Variants in GAB1 observed in about 807,000 individuals in gnomAD.
GAB1 encodes the protein GRB2 associated binding protein 1.
GAB1 carries 19 observed loss-of-function variants against 66.5 expected under a neutral mutation model. That is an observed-to-expected ratio of 0.29 (90% CI 0.20 to 0.42). The LOEUF (loss-of-function observed/expected upper bound fraction) is 0.42. GAB1 is among the 10% of genes least tolerant of loss of function. The probability of loss-of-function intolerance (pLI) is 1.00; values close to 1 mark genes in which losing one functional copy is unlikely to be tolerated. For missense variants in GAB1, 732 were observed against 858.5 expected (o/e 0.85, Z 1.84); for synonymous variants, 294 against 301.4 (o/e 0.98, Z 0.25).
At chr4:143,341,237 A>G (rs115235371) in intron 1 of GAB1, among the ~76,000 whole-genome samples, 1 of 152,246 alleles carries the variant, frequency 6.6e-6, no homozygotes. Context: ...AATCATAAAC[A>G]GATTACTGTC....
At chr4:143,347,705 C>G (rs1179749044) in intron 1 of GAB1, among the ~76,000 whole-genome samples, 1 of 152,190 alleles carries the variant, frequency 6.6e-6, no homozygotes, top group Non-Finnish European at 1.5e-5. Context: ...ACATCATGAT[C>G]AGTGATGTGT....
chr4:143,401,905 A>G (rs1731794845), intron 1 of GAB1, among the ~76,000 whole-genome samples: 1 of 152,174 alleles, frequency 6.6e-6, no homozygotes. Flanking sequence ...GTTAAAGTAA[A>G]TGCCCATATA....
At chr4:143,375,808 T>C (rs752076632) in intron 1 of GAB1, among the ~76,000 whole-genome samples, 11 of 152,118 alleles carry the variant, frequency 7.2e-5, no homozygotes, top group Non-Finnish European at 1.5e-4. Flanking sequence ...CTGTGCATTA[T>C]AGGGTGTTTA....
chr4:143,448,705 C>T (rs1734714665), intron 6 of GAB1, among the ~76,000 whole-genome samples: 1 of 151,666 alleles, frequency 6.6e-6, no homozygotes, highest in South Asian at 2.1e-4. Context: ...GTCTTTCTAG[C>T]AGTCTATCAA....
At chr4:143,464,682 T>C (rs974121793) in intron 8 of GAB1, among the ~76,000 whole-genome samples, 21 of 152,244 alleles carry the variant, frequency 1.4e-4, no homozygotes. Context: ...TCAGGCTATG[T>C]GCTGCTCACC....
intron 1 of GAB1, among the ~76,000 whole-genome samples, chr4:143,360,514 T>C (rs1228181124): frequency 6.6e-6 from 1 of 152,074 alleles, no homozygotes; most frequent in Non-Finnish European, 1.5e-5. Flanking sequence ...AGGTTTGGGG[T>C]AAGGAATCCT....
At chr4:143,464,108 A>C (rs1404298335) in intron 8 of GAB1, among the ~76,000 whole-genome samples, 1 of 152,246 alleles carries the variant, frequency 6.6e-6, no homozygotes, top group Non-Finnish European at 1.5e-5. Context: ...AGTCATTCAG[A>C]TAAAAAATTT....
intron 2 of GAB1, chr4:143,424,689 G>C (rs1733229974): frequency 6.2e-6 from 1 of 161,998 alleles, no homozygotes; most frequent in East Asian, 1.8e-4. Flanking sequence ...GCTGGGCACG[G>C]TGGCTCCCTG....
At chr4:143,440,531 C>A in intron 6 of GAB1, 149 bp downstream of exon 6, 1 of 722,876 alleles carries the variant, frequency 1.4e-6, no homozygotes, top group Non-Finnish European at 2.2e-6. Flanking sequence ...CAAAGCAGTA[C>A]TGCCATTTAT....
chr4:143,378,633 C>CTG (rs1730519330), intron 1 of GAB1, among the ~76,000 whole-genome samples: 2 of 82,294 alleles, frequency 2.4e-5, no homozygotes, highest in Non-Finnish European at 5.2e-5. Flanking sequence ...CAAAGTGTCT[C>CTG]TCTCTCTCTC....
At chr4:143,426,006 C>A in intron 2 of GAB1, 7 of 635,272 alleles carry the variant, frequency 1.1e-5, no homozygotes, top group African/African-American at 5.5e-5. Flanking sequence ...TTAAAAATTA[C>A]AAAAAAAGAA....
At chr4:143,409,899 A>G (rs1417218640) in intron 1 of GAB1, among the ~76,000 whole-genome samples, 1 of 152,158 alleles carries the variant, frequency 6.6e-6, no homozygotes, top group East Asian at 1.9e-4. Flanking sequence ...ATTTTACTTT[A>G]AAGAGCAATA....
At chr4:143,366,257 A>G (rs1729878261) in intron 1 of GAB1, among the ~76,000 whole-genome samples, 1 of 152,216 alleles carries the variant, frequency 6.6e-6, no homozygotes, top group African/African-American at 2.4e-5. Flanking sequence ...ATTTATCTTT[A>G]GATAATAGAG....
In GAB1 at chr4:143,464,369, C is replaced by A. The variant is rs568470277; in HGVS notation, c.1804-1734C>A. Among the ~76,000 whole-genome samples, 8 of 152,186 alleles carry A rather than the reference C, an allele frequency of 5.3e-5. No homozygotes were observed. The South Asian group carries it at 1.7e-3, about 32-fold the overall frequency. On this transcript the variant is annotated intron_variant, in intron 8 of 9. Coordinates refer to ENST00000262994, the MANE Select transcript of GAB1 (RefSeq NM_002039.4). ...TCAGCCTCCCAAGTAGCTGGGATTA[C>A]AGGTGCCCACCACCACACCTGGCTA...
chr4:143,462,331 C>T (rs1735539407), intron 8 of GAB1, among the ~76,000 whole-genome samples: 1 of 152,048 alleles, frequency 6.6e-6, no homozygotes, highest in East Asian at 1.9e-4. Flanking sequence ...ATATTGTCAC[C>T]TATTTTCAAC....
Position 143,337,122 on chromosome 4 carries a change from T to A in GAB1, c.-67T>A, listed in dbSNP as rs569753389. ...CTCGCCACTGCGCGCTCGGCAGGCG[T>A]CGGCTGTGTCGGGAGCGCGCCCGCC... On this transcript the variant is annotated 5_prime_UTR_variant, in exon 1 of 10. Transcript: ENST00000262994. 21 of 1,416,388 alleles carry A rather than the reference T, an allele frequency of 1.5e-5. No homozygotes were observed. The highest frequency in any genetic ancestry group is 2.1e-5 in the Admixed American group (1 of 48,530). 87.7% of individuals were successfully genotyped at this position (1,416,388 alleles called of 1,614,324 possible). A position where few individuals can be genotyped will look rare whatever the true frequency, so the allele number is the denominator to read the frequency against.
At chr4:143,433,388 ATTCTG>A in intron 2 of GAB1, 98 bp from the exon 3 acceptor site, 1 of 755,108 alleles carries the variant, frequency 1.3e-6, no homozygotes, top group South Asian at 1.6e-5. Flanking sequence ...GTCATGATTT[ATTCTG>A]TTTTTGTGTG....
chr4:143,349,883 C>T, intron 1 of GAB1: 1 of 1,580,908 alleles, frequency 6.3e-7, no homozygotes, highest in Non-Finnish European at 8.6e-7. Context: ...TCAATGATCT[C>T]TGATTCCTTA....
chr4:143,448,176 G>A (rs1015808304), intron 6 of GAB1, among the ~76,000 whole-genome samples: 18 of 151,956 alleles, frequency 1.2e-4, no homozygotes, highest in African/African-American at 4.4e-4. Context: ...TTGATGTGCT[G>A]CTGAATTCTG....
Sources: gnomAD v4.1 joint callset for allele counts (sites outside exome capture counted in the v4.1 genomes callset) on GRCh38, gnomAD v4.1.1 for gene constraint, MANE v1.5 for transcripts, NCBI Gene and HGNC (gene_info 2026-07-23, HGNC 2026-07-21) for gene names.